RIMKLB: variants seen among roughly 807,000 people sequenced by gnomAD.
RIMKLB encodes the protein ribosomal modification protein rimK like family member B, also known as beta-citrylglutamate synthase B.
A neutral mutation model predicts 32.0 loss-of-function variants in RIMKLB; 7 were observed. The observed-to-expected ratio is 0.22, with a 90% CI of 0.12 to 0.41. The LOEUF is 0.41. Ranked by LOEUF, RIMKLB falls within the 10% of genes least tolerant of loss-of-function variation. The pLI is 1.00. For synonymous variants in RIMKLB, 172 were observed against 185.1 expected (o/e 0.93, Z 0.57); for missense variants, 289 against 498.7 (o/e 0.58, Z 4.00).
intron 1 of RIMKLB, among the ~76,000 whole-genome samples, chr12:8,691,867 C>G (rs1942743486): frequency 6.6e-6 from 1 of 152,148 alleles, no homozygotes; most frequent in Non-Finnish European, 1.5e-5. Context: ...ACTAATCATT[C>G]AAGGTGTTGC....
intron 5 of RIMKLB, among the ~76,000 whole-genome samples, chr12:8,763,870 G>A (rs79618502): frequency 2.0e-5 from 3 of 152,198 alleles, no homozygotes; most frequent in South Asian, 2.1e-4. Context: ...GAGTTGAGAC[G>A]TTGGGTTTGA....
chr12:8,671,333 T>C, the RIMKLB span, among the ~76,000 whole-genome samples: 2 of 151,854 alleles, frequency 1.3e-5, no homozygotes, highest in African/African-American at 4.8e-5. Context: ...TCACCGCAAA[T>C]TCTGCTTCCC....
At chr12:8,696,704 C>G (rs764883854), upstream of RIMKLB, among the ~76,000 whole-genome samples, 26 of 152,120 alleles carry the variant, frequency 1.7e-4, no homozygotes, top group Non-Finnish European at 3.7e-4. Flanking sequence ...CTGGGTTATG[C>G]TACATCTTTT....
At chr12:8,730,563 C>A (rs1455275238) in intron 2 of RIMKLB, among the ~76,000 whole-genome samples, 4 of 152,132 alleles carry the variant, frequency 2.6e-5, no homozygotes, top group African/African-American at 7.2e-5. Context: ...TGAAACAGAC[C>A]AGACCTTAGA....
chr12:8,674,222 C>CTT, the RIMKLB span, among the ~76,000 whole-genome samples: 12 of 120,918 alleles, frequency 9.9e-5, no homozygotes, highest in African/African-American at 2.1e-4. Flanking sequence ...TCTCACAATT[C>CTT]TTTTTTTTTT....
chr12:8,695,668 C>T (rs1591609693), upstream of RIMKLB, among the ~76,000 whole-genome samples: 1 of 149,376 alleles, frequency 6.7e-6, no homozygotes, highest in Admixed American at 6.7e-5. Context: ...GTGTATGGCA[C>T]ATAGAAGCAA....
rs549612814 is a variant in RIMKLB, at chr12:8,706,312, G to A, written c.-56-7499G>A. ...CCACCACCATGCCTAGCTAATTTTT[G>A]TATTTTTAGTAGAGATGGGGTTTCA... On this transcript the variant is annotated intron_variant, in intron 1 of 5. Coordinates refer to ENST00000535829, the MANE Select transcript of RIMKLB (RefSeq NM_001297776.2). Among the ~76,000 whole-genome samples the A allele has an allele frequency of 1.6e-3, 242 of 151,934 alleles. 1 individual carries two copies. The highest frequency in any genetic ancestry group is 3.0e-3 in the Non-Finnish European group (203 of 67,984).
At chr12:8,734,271 A>G (rs914116745) in intron 2 of RIMKLB, among the ~76,000 whole-genome samples, 1 of 152,228 alleles carries the variant, frequency 6.6e-6, no homozygotes, top group African/African-American at 2.4e-5. Context: ...ATTCAGAAAT[A>G]TAAGGGTTTG....
At chr12:8,704,219 C>T (rs1005573165) in intron 1 of RIMKLB, among the ~76,000 whole-genome samples, 1 of 151,754 alleles carries the variant, frequency 6.6e-6, no homozygotes, top group Non-Finnish European at 1.5e-5. Flanking sequence ...CTGTCTCTAC[C>T]AAAAAATACA....
At chr12:8,718,125 A>G (rs1055783484) in intron 2 of RIMKLB, among the ~76,000 whole-genome samples, 1 of 150,334 alleles carries the variant, frequency 6.7e-6, no homozygotes, top group South Asian at 2.1e-4. Context: ...CTACTGTGCC[A>G]GCTATTCCAT....
chr12:8,680,945 C>T (rs1408909073), upstream of RIMKLB, among the ~76,000 whole-genome samples: 2 of 151,760 alleles, frequency 1.3e-5, no homozygotes, highest in African/African-American at 4.8e-5. Context: ...GTATTACAAG[C>T]CCCTTGTTCC....
chr12:8,770,331 T>C (rs1950306970), intron 5 of RIMKLB, among the ~76,000 whole-genome samples: 1 of 152,236 alleles, frequency 6.6e-6, no homozygotes, highest in Non-Finnish European at 1.5e-5. Flanking sequence ...ATTGACCTTA[T>C]ATTCCAGTTT....
At chr12:8,742,382 G>A (rs1480100249) in intron 2 of RIMKLB, 2 of 232,866 alleles carry the variant, frequency 8.6e-6, no homozygotes, top group Admixed American at 5.2e-5. Flanking sequence ...AGAGAGGGAG[G>A]GGTCCATGTG....
At chr12:8,726,868 C>T (rs186954593) in intron 2 of RIMKLB, among the ~76,000 whole-genome samples, 124 of 151,748 alleles carry the variant, frequency 8.2e-4, no homozygotes, top group African/African-American at 2.9e-3. Context: ...TCTTTGTTAC[C>T]CCTGTTTTTC....
At chr12:8,704,191 G>C (rs1943650092) in intron 1 of RIMKLB, among the ~76,000 whole-genome samples, 1 of 152,184 alleles carries the variant, frequency 6.6e-6, no homozygotes, top group Non-Finnish European at 1.5e-5. Context: ...AGACCAGCCT[G>C]AGCAACGTGA....
chr12:8,726,862 T>C (rs1219080004), intron 2 of RIMKLB, among the ~76,000 whole-genome samples: 1 of 152,214 alleles, frequency 6.6e-6, no homozygotes, highest in Admixed American at 6.5e-5. Flanking sequence ...GTTTTCTCTT[T>C]GTTACCCCTG....
rs35464055 is a variant in RIMKLB at position 8,761,272 on chromosome 12, CAAAAAAA to C, written c.697+7192_697+7198del. On this transcript the variant is annotated intron_variant, in intron 5 of 5. Coordinates refer to ENST00000535829, the MANE Select transcript of RIMKLB (RefSeq NM_001297776.2). ...AGACGAGAGGGTGAGGGGGAGATAG[CAAAAAAA>C]AAAAAAAAAAAAGAATTTGTTTTTC... Among the ~76,000 whole-genome samples the C allele has an allele frequency of 1.6e-4, 9 of 55,906 alleles. No homozygotes were observed. The South Asian group carries it at 1.8e-3, about 11-fold the overall frequency. The allele number at this position is 55,906 out of a possible 152,430, so 36.7% of individuals were successfully genotyped here.
intron 2 of RIMKLB, among the ~76,000 whole-genome samples, chr12:8,734,351 A>T (rs1365385507): frequency 6.6e-6 from 1 of 152,170 alleles, no homozygotes; most frequent in African/African-American, 2.4e-5. Context: ...CTGGAAATAG[A>T]ATGAGCTAGT....
At chr12:8,674,490 C>T in the RIMKLB span, among the ~76,000 whole-genome samples, 10 of 151,636 alleles carry the variant, frequency 6.6e-5, no homozygotes, top group East Asian at 1.9e-4. Flanking sequence ...CCGCCTGCCT[C>T]GGCCTCCCAA....
Sources: gnomAD v4.1 joint callset for allele counts (sites outside exome capture counted in the v4.1 genomes callset) on GRCh38, gnomAD v4.1.1 for gene constraint, MANE v1.5 for transcripts, NCBI Gene and HGNC (gene_info 2026-07-23, HGNC 2026-07-21) for gene names.